Variants in CACNA1E observed in about 807,000 individuals in gnomAD.
The protein encoded by CACNA1E is calcium voltage-gated channel subunit alpha1 E, also known as voltage-dependent R-type calcium channel subunit alpha-1E.
In CACNA1E, 40 loss-of-function variants were observed where a neutral mutation model predicts 259.2. That is an observed-to-expected ratio of 0.15 (90% CI 0.12 to 0.20). The LOEUF (loss-of-function observed/expected upper bound fraction) is 0.20. Ranked by LOEUF, CACNA1E falls within the 10% of genes least tolerant of loss-of-function variation. The probability of loss-of-function intolerance (pLI) is 1.00; values close to 1 mark genes in which losing one functional copy is unlikely to be tolerated. For missense variants in CACNA1E, 1,874 were observed against 3,040.1 expected (o/e 0.62, Z 9.02); for synonymous variants, 1,104 against 1,138.5 (o/e 0.97, Z 0.61).
chr1:181,752,961 C>G (rs755873511), intron 27 of CACNA1E, among the ~76,000 whole-genome samples: 2 of 152,204 alleles, frequency 1.3e-5, no homozygotes, highest in African/African-American at 4.8e-5. Flanking sequence ...GTTGAACCCA[C>G]CTGCCCCACC....
intron 1 of CACNA1E, among the ~76,000 whole-genome samples, chr1:181,386,981 T>G (rs761246019): frequency 6.6e-6 from 1 of 152,214 alleles, no homozygotes; most frequent in Non-Finnish European, 1.5e-5. Context: ...TAACTTTTGT[T>G]CGATTGATTG....
rs964842968 is a variant in CACNA1E at position 181,542,997 on chromosome 1, C to T, written c.512+31487C>T. 8.6e-5 allele frequency among the ~76,000 whole-genome samples: 12 copies of T among 139,820 alleles called. 1 individual carries two copies. The highest frequency in any genetic ancestry group is 4.3e-4 in the Admixed American group (6 of 13,794). 91.7% of individuals were successfully genotyped at this position (139,820 alleles called of 152,430 possible). A position where few individuals can be genotyped will look rare whatever the true frequency, so the allele number is the denominator to read the frequency against. ...GTCTTAAGGATTTTTTGTTTGTTTG[C>T]GTAGTCCATTGTTTCCTAAACTCAT... is the stretch of plus-strand genomic sequence containing the variant. On this transcript the variant is annotated intron_variant, in intron 3 of 47. Transcript: ENST00000367573.
Position 181,483,521 on chromosome 1 carries a change from T to G in CACNA1E, c.-224T>G. On this transcript the variant is annotated 5_prime_UTR_variant, in exon 1 of 48. Coordinates refer to ENST00000367573, the MANE Select transcript of CACNA1E (RefSeq NM_001205293.3). ...TTTTTCTTTTTTTTTTTTTTCCTTC[T>G]TGAGGAATGGAGCTTCGCAGAGGTT... 2.1e-5 allele frequency: 7 copies of G among 336,958 alleles called. No homozygotes were observed. The highest frequency in any genetic ancestry group is 3.7e-5 in the Non-Finnish European group (7 of 187,956). 20.9% of individuals were successfully genotyped at this position (336,958 alleles called of 1,614,324 possible).
chr1:181,571,048 T>A (rs1323777890), intron 3 of CACNA1E, among the ~76,000 whole-genome samples: 1 of 152,204 alleles, frequency 6.6e-6, no homozygotes, highest in African/African-American at 2.4e-5. Context: ...ACAGTTGAAA[T>A]CTGTTTCTGT....
chr1:181,499,501 A>T (rs1163963487), intron 1 of CACNA1E, among the ~76,000 whole-genome samples: 1 of 152,222 alleles, frequency 6.6e-6, no homozygotes, highest in Non-Finnish European at 1.5e-5. Flanking sequence ...CAGCATCTAC[A>T]TCTGTAAAAT....
chr1:181,590,358 G>A (rs1652503198), intron 6 of CACNA1E, among the ~76,000 whole-genome samples: 1 of 146,552 alleles, frequency 6.8e-6, no homozygotes, highest in East Asian at 2.0e-4. Context: ...GAGGAAACAG[G>A]ATTTTGTGCA....
At chr1:181,668,756 A>C (rs1300681559) in intron 7 of CACNA1E, 1 of 152,190 alleles carries the variant, frequency 6.6e-6, no homozygotes, top group Non-Finnish European at 1.5e-5. Context: ...CAGGCTGGGC[A>C]TGGTGACTCA....
At chr1:181,782,808 A>G (rs1442238954) in intron 39 of CACNA1E, among the ~76,000 whole-genome samples, 1 of 152,180 alleles carries the variant, frequency 6.6e-6, no homozygotes, top group Non-Finnish European at 1.5e-5. Context: ...GCCACATCCA[A>G]AAGTACCAGG....
chr1:181,406,099 T>C (rs1370144141), intron 1 of CACNA1E, among the ~76,000 whole-genome samples: 1 of 152,224 alleles, frequency 6.6e-6, no homozygotes, highest in Non-Finnish European at 1.5e-5. Flanking sequence ...TGCTTAACCC[T>C]TCCCCAGGGG....
chr1:181,466,355 C>G (rs1027188295), intron 2 of CACNA1E, among the ~76,000 whole-genome samples: 1 of 150,784 alleles, frequency 6.6e-6, no homozygotes, highest in Non-Finnish European at 1.5e-5. Flanking sequence ...ACAGCCTGGC[C>G]AACATGGCAA....
At chr1:181,718,198 G>C in intron 12 of CACNA1E, 31 bp downstream of exon 12, 1 of 1,129,442 alleles carries the variant, frequency 8.9e-7, no homozygotes, top group Non-Finnish European at 1.3e-6. Context: ...CTCTGCTCCT[G>C]CTTCGTGTTG....
intron 35 of CACNA1E, among the ~76,000 whole-genome samples, chr1:181,768,853 A>G (rs1659246586): frequency 6.6e-6 from 1 of 152,268 alleles, no homozygotes; most frequent in Non-Finnish European, 1.5e-5. Flanking sequence ...TAGTCACAAC[A>G]AAACTGAGGG....
At chr1:181,585,017 C>A (rs550161754) in intron 6 of CACNA1E, among the ~76,000 whole-genome samples, 8 of 149,328 alleles carry the variant, frequency 5.4e-5, no homozygotes, top group Admixed American at 2.0e-4. Flanking sequence ...CTGGTCCCCC[C>A]CCCTGCCTCA....
chr1:181,339,144 G>A (rs1651947087), intron 1 of CACNA1E, among the ~76,000 whole-genome samples: 1 of 151,922 alleles, frequency 6.6e-6, no homozygotes, highest in South Asian at 2.1e-4. Flanking sequence ...GGCTATTCAG[G>A]ATCTTATATG....
At chr1:181,452,423 A>C (rs1275691037) in intron 2 of CACNA1E, among the ~76,000 whole-genome samples, 4 of 152,190 alleles carry the variant, frequency 2.6e-5, no homozygotes, top group African/African-American at 7.2e-5. Flanking sequence ...TTAGATCCAA[A>C]GTTTGATTCT....
intron 1 of CACNA1E, among the ~76,000 whole-genome samples, chr1:181,496,959 G>A (rs1664809191): frequency 6.6e-6 from 1 of 152,186 alleles, no homozygotes; most frequent in South Asian, 2.1e-4. Context: ...GGCTTGTCTG[G>A]AGGTGGGGTG....
At chr1:181,757,883 C>T in intron 30 of CACNA1E, 64 bp from the exon 31 acceptor site, 1 of 1,555,372 alleles carries the variant, frequency 6.4e-7, no homozygotes, top group Non-Finnish European at 8.8e-7. Flanking sequence ...GAGCATGGAA[C>T]AGAGCCTGCC....
Position 181,404,414 on chromosome 1 carries a change from C to T in CACNA1E, c.-14-8719C>T, listed in dbSNP as rs1456502881. Among the ~76,000 whole-genome samples, 4 of 152,260 alleles carry T rather than the reference C, an allele frequency of 2.6e-5. No individual in the cohort carries two copies. In the East Asian group the frequency reaches 7.7e-4, roughly 29 times the overall value. On this transcript the variant is annotated intron_variant, in intron 1 of 11. Coordinates refer to the CACNA1E transcript ENST00000524607. ...AGTATGCATTTATTGAGCTAAAAAT[C>T]CTTCAGGCCACATTATCTCTAGAAA...
chr1:181,594,410 G>T (rs1652956298), intron 6 of CACNA1E, among the ~76,000 whole-genome samples: 1 of 152,114 alleles, frequency 6.6e-6, no homozygotes, highest in Non-Finnish European at 1.5e-5. Context: ...GTTATATTCA[G>T]AAGACCTGTA....
Sources: allele counts gnomAD v4.1 joint callset (sites outside exome capture counted in the v4.1 genomes callset), GRCh38; gene constraint gnomAD v4.1.1; transcripts MANE v1.5; gene names NCBI Gene and HGNC (gene_info 2026-07-23, HGNC 2026-07-21).